The following CDC42SE2 variants were observed in gnomAD, a reference collection of about 807,000 sequenced individuals.
CDC42SE2 encodes the protein CDC42 small effector 2.
Under a neutral mutation model 11.5 loss-of-function variants are expected in CDC42SE2, and 3 were observed. That is an observed-to-expected ratio of 0.26 (90% CI 0.12 to 0.67). The LOEUF (loss-of-function observed/expected upper bound fraction) is 0.67, where lower values mean the gene tolerates loss of function less well. Ranked by LOEUF, CDC42SE2 falls within the 30% of genes least tolerant of loss-of-function variation. The pLI, the probability that CDC42SE2 is intolerant of heterozygous loss-of-function variation, is 0.80. For synonymous variants in CDC42SE2, 33 were observed against 34.8 expected (o/e 0.95, Z 0.18); for missense variants, 82 against 106.8 (o/e 0.77, Z 1.02).
At chr5:131,285,683 C>G (rs2149705517) in intron 1 of CDC42SE2, among the ~76,000 whole-genome samples, 1 of 152,256 alleles carries the variant, frequency 6.6e-6, no homozygotes, top group South Asian at 2.1e-4. Context: ...CAATTTGGTA[C>G]TTACAAAATC....
chr5:131,233,702 C>T, the CDC42SE2 span, among the ~76,000 whole-genome samples: 2 of 152,108 alleles, frequency 1.3e-5, no homozygotes, highest in African/African-American at 2.4e-5. Flanking sequence ...TTGTATAGAC[C>T]TCATTCTGCA....
At position 131,249,729 on chromosome 5, in the gene CDC42SE2, A is replaced by G. The variant is rs149771935; in HGVS notation, n.107+4130A>G. On this transcript the variant is annotated intron_variant and non_coding_transcript_variant, in intron 1 of 3. Coordinates refer to the CDC42SE2 transcript ENST00000502840. The stretch of plus-strand genomic sequence containing the variant: ...TCAGAAAAATGCAAATAAGGACTGC[A>G]GAGATTAGCTGGGTGTGGTGGTGCA... Among the ~76,000 whole-genome samples the G allele has an allele frequency of 1.8e-3, 276 of 152,318 alleles. 2 individuals are homozygous for G. The highest frequency in any genetic ancestry group is 6.5e-3 in the African/African-American group (272 of 41,576).
chr5:131,334,997 G>A (rs1758519721), intron 2 of CDC42SE2, among the ~76,000 whole-genome samples: 1 of 151,930 alleles, frequency 6.6e-6, no homozygotes, highest in Non-Finnish European at 1.5e-5. Flanking sequence ...GTTATTTCTT[G>A]CCTTCTTCTA....
the CDC42SE2 span, among the ~76,000 whole-genome samples, chr5:131,210,656 C>T: frequency 1.3e-5 from 2 of 152,166 alleles, no homozygotes; most frequent in Non-Finnish European, 2.9e-5. Context: ...TTTGGCTAAT[C>T]CACCTTTTCT....
intron 1 of CDC42SE2, among the ~76,000 whole-genome samples, chr5:131,279,876 CA>C (rs1757202915): frequency 6.6e-6 from 1 of 152,088 alleles, no homozygotes; most frequent in Non-Finnish European, 1.5e-5. Context: ...AGTTCGAGAT[CA>C]GCCCAGGCAA....
chr5:131,341,937 A>G (rs1758720495), intron 2 of CDC42SE2, among the ~76,000 whole-genome samples: 1 of 151,822 alleles, frequency 6.6e-6, no homozygotes, highest in African/African-American at 2.4e-5. Context: ...CAAGTAGTCT[A>G]AAAATTGATA....
chr5:131,233,131 A>G, the CDC42SE2 span, among the ~76,000 whole-genome samples: 1 of 152,058 alleles, frequency 6.6e-6, no homozygotes, highest in Non-Finnish European at 1.5e-5. Context: ...CCTTTCTCGT[A>G]TAAGGGATAG....
chr5:131,278,443 A>C (rs1461374610), intron 1 of CDC42SE2, among the ~76,000 whole-genome samples: 5 of 151,896 alleles, frequency 3.3e-5, no homozygotes, highest in Admixed American at 3.3e-4. Context: ...AGATCAGAGT[A>C]GTTAAGTGGA....
chr5:131,273,747 T>TG (rs536282819), intron 1 of CDC42SE2, among the ~76,000 whole-genome samples: 32 of 148,098 alleles, frequency 2.2e-4, no homozygotes, highest in Middle Eastern at 3.5e-3. Flanking sequence ...CACTCCAGCC[T>TG]GGCGACAGAG....
At chr5:131,385,403 TAAG>T (rs978596853) in intron 3 of CDC42SE2, 137 bp from the exon 4 acceptor site, 45 of 554,742 alleles carry the variant, frequency 8.1e-5, no homozygotes, top group South Asian at 3.5e-4. Context: ...GATTTCATCA[TAAG>T]AAGTAATTGT....
At chr5:131,296,974 T>G (rs1757582151) in intron 1 of CDC42SE2, among the ~76,000 whole-genome samples, 1 of 152,096 alleles carries the variant, frequency 6.6e-6, no homozygotes, top group Admixed American at 6.6e-5. Flanking sequence ...AACCTAAGAT[T>G]GCAGCATATT....
At chr5:131,344,627 T>C (rs1460437898) in intron 2 of CDC42SE2, among the ~76,000 whole-genome samples, 3 of 152,216 alleles carry the variant, frequency 2.0e-5, no homozygotes, top group African/African-American at 7.2e-5. Flanking sequence ...TAAACGTCCC[T>C]GTCTGACAGC....
rs192860890 is a variant in CDC42SE2, at chr5:131,283,265, G to A, written c.-455+19099G>A. Among the ~76,000 whole-genome samples the A allele has an allele frequency of 7.2e-5, 11 of 152,078 alleles. No individual in the cohort carries two copies. The East Asian group carries it at 1.7e-3, about 24-fold the overall frequency. On this transcript the variant is annotated intron_variant, in intron 1 of 4. Coordinates refer to ENST00000505065, the MANE Select transcript of CDC42SE2 (RefSeq NM_001375635.1). ...TTACATAAGTCAGTGTTGTACAACC[G>A]TTGCTACTAATTTTATATTTTCATC...
At chr5:131,378,828 T>TC (rs1750231204) in intron 3 of CDC42SE2, among the ~76,000 whole-genome samples, 1 of 151,406 alleles carries the variant, frequency 6.6e-6, no homozygotes, top group Non-Finnish European at 1.5e-5. Context: ...TGGGTTTTTT[T>TC]CACAGTAACC....
At chr5:131,350,679 A>T (rs913144979) in intron 2 of CDC42SE2, among the ~76,000 whole-genome samples, 5 of 151,884 alleles carry the variant, frequency 3.3e-5, no homozygotes, top group African/African-American at 1.2e-4. Context: ...GTATAAATAT[A>T]TAATTCTTAG....
intron 2 of CDC42SE2, among the ~76,000 whole-genome samples, chr5:131,340,867 G>A (rs534488400): frequency 1.4e-4 from 22 of 151,990 alleles, no homozygotes; most frequent in African/African-American, 4.3e-4. Context: ...TAGTAGAGTC[G>A]GGTTTGACCA....
the CDC42SE2 span, among the ~76,000 whole-genome samples, chr5:131,222,522 A>T: frequency 6.6e-6 from 1 of 152,252 alleles, no homozygotes; most frequent in Non-Finnish European, 1.5e-5. Context: ...TGATAATGAC[A>T]TTGAACCAAA....
At chr5:131,269,118 T>A (rs7737355) in intron 1 of CDC42SE2, among the ~76,000 whole-genome samples, 115,608 of 152,034 alleles carry the variant, frequency 0.76, 44,272 homozygotes, top group Middle Eastern at 0.82. Context: ...AGTATACTTG[T>A]ATCTTTCTAT....
chr5:131,386,833 T>C (rs1233389587), intron 4 of CDC42SE2, among the ~76,000 whole-genome samples: 1 of 152,136 alleles, frequency 6.6e-6, no homozygotes, highest in Non-Finnish European at 1.5e-5. Flanking sequence ...TATGATCCAC[T>C]GTATACCAAC....
Sources: gnomAD v4.1 joint callset for allele counts (sites outside exome capture counted in the v4.1 genomes callset) on GRCh38, gnomAD v4.1.1 for gene constraint, MANE v1.5 for transcripts, NCBI Gene and HGNC (gene_info 2026-07-23, HGNC 2026-07-21) for gene names.